The following NRG3 variants were observed in gnomAD, a reference collection of about 807,000 sequenced individuals.
NRG3 encodes the protein neuregulin 3.
NRG3 carries 31 observed loss-of-function variants against 66.9 expected under a neutral mutation model. The observed-to-expected ratio is 0.46, with a 90% CI of 0.35 to 0.63. NRG3 has a LOEUF of 0.63. Ranked by LOEUF, NRG3 falls within the 20% of genes least tolerant of loss-of-function variation. The pLI is 0.00. For synonymous variants in NRG3, 393 were observed against 359.4 expected, an observed-to-expected ratio of 1.09 and a Z score of -1.06; for missense variants, 910 against 878.9, an observed-to-expected ratio of 1.04 and a Z score of -0.45.
intron 1 of NRG3, among the ~76,000 whole-genome samples, chr10:82,052,738 GA>G (rs2063660942): frequency 6.6e-6 from 1 of 151,986 alleles, no homozygotes; most frequent in Non-Finnish European, 1.5e-5. Context: ...ATAAATGTTT[GA>G]AAAATATAAA....
intron 1 of NRG3, among the ~76,000 whole-genome samples, chr10:81,929,195 C>G (rs1232675562): frequency 6.6e-6 from 1 of 151,990 alleles, no homozygotes; most frequent in African/African-American, 2.4e-5. Flanking sequence ...AAAATTTAGT[C>G]AATTATGGTG....
At chr10:82,063,851 G>A (rs2144469) in intron 1 of NRG3, among the ~76,000 whole-genome samples, 121,831 of 152,146 alleles carry the variant, frequency 0.8, 48,877 homozygotes, top group South Asian at 0.87. Context: ...TGATTTGCCT[G>A]CTGGCTTACA....
chr10:82,129,867 T>C (rs947309876), intron 1 of NRG3, among the ~76,000 whole-genome samples: 1 of 152,152 alleles, frequency 6.6e-6, no homozygotes, highest in African/African-American at 2.4e-5. Context: ...GTCCTAGTTA[T>C]TTTTAAATGT....
At chr10:82,917,377 A>G (rs1289636650) in intron 4 of NRG3, among the ~76,000 whole-genome samples, 4 of 152,180 alleles carry the variant, frequency 2.6e-5, no homozygotes, top group Non-Finnish European at 5.9e-5. Context: ...TCACAGGGAT[A>G]AAATAAAAGC....
At chr10:82,694,533 T>C (rs1336652494) in intron 2 of NRG3, among the ~76,000 whole-genome samples, 1 of 152,006 alleles carries the variant, frequency 6.6e-6, no homozygotes, top group Non-Finnish European at 1.5e-5. Context: ...GGCCAGCAGA[T>C]TGTTTGAGGC....
At chr10:82,050,553 G>C (rs1211058424) in intron 1 of NRG3, among the ~76,000 whole-genome samples, 1 of 151,974 alleles carries the variant, frequency 6.6e-6, no homozygotes, top group Non-Finnish European at 1.5e-5. Context: ...AAGATAGAAG[G>C]TCTTGCTACC....
chr10:81,905,330 C>T lies in NRG3; in HGVS notation c.823+29167C>T, dbSNP rs375338521. The stretch of plus-strand genomic sequence containing the variant: ...TTTCCCACTCTCCAGGTTTCCCATT[C>T]CTCTAGGTTTGTAGAACGTGTTCTA... On this transcript the variant is annotated intron_variant, in intron 1 of 8. Transcript: ENST00000372141. Among the ~76,000 whole-genome samples, 40 of 152,232 alleles carry T rather than the reference C, an allele frequency of 2.6e-4. 1 individual carries two copies. The highest frequency in any genetic ancestry group is 3.4e-3 in the Middle Eastern group (1 of 294).
chr10:82,146,978 G>C (rs1564609077), intron 1 of NRG3, among the ~76,000 whole-genome samples: 1 of 152,040 alleles, frequency 6.6e-6, no homozygotes, highest in Non-Finnish European at 1.5e-5. Context: ...AGCTCGGTGG[G>C]AGTTCTAGTA....
At chr10:82,668,589 T>C (rs190311656) in intron 2 of NRG3, among the ~76,000 whole-genome samples, 39 of 152,284 alleles carry the variant, frequency 2.6e-4, no homozygotes, top group Non-Finnish European at 4.9e-4. Flanking sequence ...GATGTGTCTA[T>C]TATTAGGAAT....
chr10:82,006,515 T>G (rs1284456688), intron 1 of NRG3, among the ~76,000 whole-genome samples: 2 of 152,152 alleles, frequency 1.3e-5, no homozygotes, highest in Non-Finnish European at 2.9e-5. Context: ...TTTCTATCTT[T>G]ATATCATCAA....
intron 2 of NRG3, among the ~76,000 whole-genome samples, chr10:82,369,908 G>A (rs2084773805): frequency 7.2e-6 from 1 of 138,124 alleles, no homozygotes; most frequent in Admixed American, 6.8e-5. Flanking sequence ...CCTGACATAT[G>A]ACAGGGGTGT....
intron 4 of NRG3, among the ~76,000 whole-genome samples, chr10:82,884,478 A>G (rs1842567219): frequency 6.6e-6 from 1 of 152,106 alleles, no homozygotes; most frequent in South Asian, 2.1e-4. Flanking sequence ...TGCCTGATTA[A>G]TGTTTAAATT....
chr10:81,967,917 G>A (rs939631092), intron 1 of NRG3, among the ~76,000 whole-genome samples: 1 of 152,112 alleles, frequency 6.6e-6, no homozygotes, highest in Non-Finnish European at 1.5e-5. Flanking sequence ...GTGTTTACTA[G>A]TGTATTTGGA....
intron 1 of NRG3, among the ~76,000 whole-genome samples, chr10:82,168,196 C>G (rs1174385157): frequency 3.9e-5 from 6 of 152,102 alleles, no homozygotes; most frequent in Admixed American, 2.6e-4. Context: ...TACCTGTTTT[C>G]ATGTAGGATC....
chr10:82,545,190 T>G (rs894084505), intron 2 of NRG3, among the ~76,000 whole-genome samples: 3 of 152,158 alleles, frequency 2.0e-5, no homozygotes, highest in Non-Finnish European at 2.9e-5. Flanking sequence ...GTTTCCCTTT[T>G]CTTTTTGGAT....
At chr10:82,933,225 A>G (rs954612812) in intron 4 of NRG3, among the ~76,000 whole-genome samples, 14 of 152,026 alleles carry the variant, frequency 9.2e-5, no homozygotes, top group African/African-American at 2.7e-4. Flanking sequence ...CAGAGTGAGT[A>G]GGACTGTGGC....
At chr10:82,267,633 G>A (rs2078369234) in intron 1 of NRG3, among the ~76,000 whole-genome samples, 1 of 152,172 alleles carries the variant, frequency 6.6e-6, no homozygotes, top group Non-Finnish European at 1.5e-5. Flanking sequence ...ATTGGTGCTT[G>A]TCAATCCAGA....
In NRG3 at chr10:82,556,147, G is replaced by A. The variant is rs148355591; in HGVS notation, c.954-182430G>A. 2.8e-3 allele frequency among the ~76,000 whole-genome samples: 424 copies of A among 152,194 alleles called. 1 individual carries two copies. Among genetic ancestry groups the A allele is most frequent in the African/African-American group, 9.5e-3 (395 of 41,542 alleles). On this transcript the variant is annotated intron_variant, in intron 2 of 8. Coordinates refer to ENST00000372141, the MANE Select transcript of NRG3 (RefSeq NM_001010848.4). ...GTTTTTGGTTACATCTCACTTTTCA[G>A]GATTCTTCCTGTCTCTCAGGCTGTA...
intron 2 of NRG3, among the ~76,000 whole-genome samples, chr10:82,673,837 T>G (rs1458948499): frequency 6.6e-6 from 1 of 151,936 alleles, no homozygotes; most frequent in African/African-American, 2.4e-5. Flanking sequence ...ATATGTGGAG[T>G]ATCTTTAAGT....
Sources: gnomAD v4.1 joint callset for allele counts (sites outside exome capture counted in the v4.1 genomes callset) on GRCh38, gnomAD v4.1.1 for gene constraint, MANE v1.5 for transcripts, NCBI Gene and HGNC (gene_info 2026-07-23, HGNC 2026-07-21) for gene names.